The following CCS variants were observed in gnomAD, a reference collection of about 807,000 sequenced individuals.
CCS encodes the protein copper chaperone for superoxide dismutase, also known as superoxide dismutase copper chaperone.
Under a neutral mutation model 35.5 loss-of-function variants are expected in CCS, and 32 were observed. That is an observed-to-expected ratio of 0.90 (90% CI 0.68 to 1.21). The LOEUF is 1.21. Ranked by LOEUF, CCS falls within the 50% of genes most tolerant of loss-of-function variation. The pLI is 0.00. For synonymous variants in CCS, 130 were observed against 147.2 expected, an observed-to-expected ratio of 0.88 and a Z score of 0.84; for missense variants, 342 against 375.4, an observed-to-expected ratio of 0.91 and a Z score of 0.73.
intron 2 of CCS, among the ~76,000 whole-genome samples, chr11:66,596,710 GA>G (rs1208967963): frequency 6.6e-6 from 1 of 152,118 alleles, no homozygotes; most frequent in Non-Finnish European, 1.5e-5. Context: ...GACCCTTGTG[GA>G]CCTCACAGAG....
At chr11:66,600,143 A>G (rs755718539) in intron 4 of CCS, 11 of 198,796 alleles carry the variant, frequency 5.5e-5, no homozygotes, top group Non-Finnish European at 8.0e-5. Context: ...AAGAAAAAAA[A>G]TAAAATCTGA....
chr11:66,599,234 C>T lies in CCS; in HGVS notation c.231C>T (p.Gly77=). Residue 77 remains glycine, a synonymous_variant, in exon 3 of 8, where the codon GGC becomes GGT. Coordinates refer to ENST00000533244, the MANE Select transcript of CCS (RefSeq NM_005125.2). ...EGTGRQAVLK[G]MGSGQLQNLG... is the part of the protein sequence containing the mutation. ...CGGGGCGGCAGGCGGTACTCAAGGG[C>T]ATGGGCAGCGGCCAGTTGCGTGAGT... The T allele has an allele frequency of 6.2e-7, 1 of 1,608,324 alleles. No homozygotes were observed. Among genetic ancestry groups the T allele is most frequent in the Non-Finnish European group, 8.5e-7 (1 of 1,177,254 alleles).
chr11:66,600,247 T>G (rs1205278728), intron 4 of CCS: 1 of 367,086 alleles, frequency 2.7e-6, no homozygotes. Flanking sequence ...CCATGGTGTT[T>G]GTCATGCTGT....
Position 66,605,020 on chromosome 11 carries a change from A to G in CCS, c.490-319A>G, listed in dbSNP as rs1858630788. The G allele has an allele frequency of 2.2e-6, 2 of 919,360 alleles. 1 individual carries two copies. Among genetic ancestry groups the G allele is most frequent in the African/African-American group, 3.4e-5 (2 of 59,482 alleles). The allele number at this position is 919,360 out of a possible 1,614,324, so 57.0% of individuals were successfully genotyped here. On this transcript the variant is annotated intron_variant, in intron 5 of 7. Transcript: ENST00000533244. ...CTCGCCGGAAAAACAGTCTGATCCA[A>G]TGGGAATGACTGCACAGGCAGGGGA...
At position 66,593,673 on chromosome 11, in the gene CCS, G is replaced by A. The variant is rs1348825349; in HGVS notation, c.71G>A (p.Ser24Asn). 1 of 1,614,178 alleles carries A rather than the reference G, an allele frequency of 6.2e-7. No individual in the cohort carries two copies. The highest frequency in any genetic ancestry group is 8.5e-7 in the Non-Finnish European group (1 of 1,180,044). ...LEFAVQMTCQ[S>N]CVDAVRKSLQ... ...TTCGCGGTGCAGATGACCTGTCAGA[G>A]CTGTGTGGACGCGGTGCGCAAATCC... Residue 24 changes from serine (S) to asparagine (N), a missense_variant, in exon 2 of 8, where the codon AGC becomes AAC. Coordinates refer to ENST00000533244, the MANE Select transcript of CCS (RefSeq NM_005125.2).
chr11:66,593,350 C>T, intron 1 of CCS, 50 bp downstream of exon 1: 2 of 1,463,372 alleles, frequency 1.4e-6, no homozygotes, highest in Middle Eastern at 1.8e-4. Flanking sequence ...GAGCCTCGGC[C>T]CCTGGGATGA....
chr11:66,600,234 A>T (rs905689795), intron 4 of CCS: 1 of 349,712 alleles, frequency 2.9e-6, no homozygotes, highest in Non-Finnish European at 5.1e-6. Context: ...AAGGGTCCCC[A>T]TGCCATGGTG....
rs1379269105 is a variant in CCS at position 66,600,524 on chromosome 11, A to G, written c.464A>G (p.His155Arg). 1.3e-6 allele frequency: 2 copies of G among 1,527,884 alleles called. No homozygotes were observed. Among genetic ancestry groups the G allele is most frequent in the African/African-American group, 1.4e-5 (1 of 71,532 alleles). 94.6% of individuals were successfully genotyped at this position (1,527,884 alleles called of 1,614,324 possible). The change falls in exon 5 of 8, where the codon CAT (histidine) becomes CGT (arginine). Residue 155 changes from histidine to arginine, a missense_variant. Physicochemically the swap from His to Arg is conservative, Grantham distance 29. Coordinates refer to ENST00000533244, the MANE Select transcript of CCS (RefSeq NM_005125.2). ...CACTTTAACCCTGATGGAGCATCTC[A>G]TGGGGGCCCCCAGGACTCTGACCGG... ...GNHFNPDGAS[H>R]GGPQDSDRHR...
chr11:66,605,243 G>A, intron 5 of CCS, 96 bp from the exon 6 acceptor site: 1 of 1,570,194 alleles, frequency 6.4e-7, no homozygotes, highest in Non-Finnish European at 8.6e-7. Context: ...GTACTTTAGG[G>A]AAGCAGGAAG....
rs1858639260 is a variant in CCS, at chr11:66,605,431, A to G, written c.567+15A>G. ...AGCAGCTGAAGGTAAGGTGGAAAAG[A>G]AGGTGGGCACCCTTCCTAACAGGGT... On this transcript the variant is annotated intron_variant, in intron 6 of 7. Coordinates refer to ENST00000533244, the MANE Select transcript of CCS (RefSeq NM_005125.2). The G allele has an allele frequency of 3.1e-6, 5 of 1,614,070 alleles. No individual in the cohort carries two copies. In the South Asian group the frequency reaches 5.5e-5, roughly 18 times the overall value.
chr11:66,601,439 A>G (rs550777000), intron 5 of CCS, among the ~76,000 whole-genome samples: 2 of 152,212 alleles, frequency 1.3e-5, no homozygotes, highest in Non-Finnish European at 1.5e-5. Context: ...CTTGTGCCAC[A>G]AAACAATTGA....
Position 66,605,918 on chromosome 11 carries a change from G to C in CCS, c.*63G>C. On this transcript the variant is annotated 3_prime_UTR_variant, in exon 8 of 8. Transcript: ENST00000533244. ...GCGAGCACTTTCCACTTCCAGAGGG[G>C]GCCAGAGGGACTTTGCCTGCCCAGT... 7.0e-7 allele frequency: 1 copy of C among 1,432,944 alleles called. No individual in the cohort carries two copies. The highest frequency in any genetic ancestry group is 9.2e-7 in the Non-Finnish European group (1 of 1,092,632). The allele number at this position is 1,432,944 out of a possible 1,614,324, so 88.8% of individuals were successfully genotyped here. A position where few individuals can be genotyped will look rare whatever the true frequency, so the allele number is the denominator to read the frequency against.
chr11:66,593,838 G>A lies in CCS; in HGVS notation c.112+124G>A, dbSNP rs1011206541. ...GAAAGTGAACCCCAGAGAGTGAAAGGCATGTTCTCAGAGTTACACACAGAC... is the reference window on the plus strand; with the variant it reads ...GAAAGTGAACCCCAGAGAGTGAAAGACATGTTCTCAGAGTTACACACAGAC... On this transcript the variant is annotated intron_variant, in intron 2 of 7. Coordinates refer to ENST00000533244, the MANE Select transcript of CCS (RefSeq NM_005125.2). The A allele has an allele frequency of 1.2e-5, 11 of 901,854 alleles. No homozygotes were observed. In the African/African-American group the frequency reaches 1.6e-4, roughly 13 times the overall value. 55.9% of individuals were successfully genotyped at this position (901,854 alleles called of 1,614,324 possible).
At chr11:66,598,141 AG>A (rs1190631959) in intron 2 of CCS, among the ~76,000 whole-genome samples, 1 of 151,614 alleles carries the variant, frequency 6.6e-6, no homozygotes. Flanking sequence ...ATCTGTTTGT[AG>A]TATTTTCAGA....
chr11:66,594,327 C>G (rs1858436617), intron 2 of CCS, among the ~76,000 whole-genome samples: 1 of 152,104 alleles, frequency 6.6e-6, no homozygotes, highest in Non-Finnish European at 1.5e-5. Flanking sequence ...CCACTGCACT[C>G]TAGCCTGGGC....
Position 66,593,210 on chromosome 11 carries a change from G to A in CCS, c.-52G>A. ...AGTCCCCGCGACGCCGCGCTGGTTG[G>A]TGCTCCTGCGCCGGAGGAGTTCTGC... is the stretch of plus-strand genomic sequence containing the variant. On this transcript the variant is annotated 5_prime_UTR_variant, in exon 1 of 8. It adds an upstream start codon to the 5' untranslated region. Transcript: ENST00000533244. 1 of 1,545,618 alleles carries A rather than the reference G, an allele frequency of 6.5e-7. No individual in the cohort carries two copies. The highest frequency in any genetic ancestry group is 2.4e-5 in the East Asian group (1 of 41,188).
chr11:66,595,353 C>T (rs1419451639), intron 2 of CCS, among the ~76,000 whole-genome samples: 2 of 152,120 alleles, frequency 1.3e-5, no homozygotes, highest in African/African-American at 2.4e-5. Context: ...TGAATGGGCC[C>T]TCCACTTCCT....
At chr11:66,604,755 G>A (rs1858627442) in intron 5 of CCS, among the ~76,000 whole-genome samples, 1 of 152,244 alleles carries the variant, frequency 6.6e-6, no homozygotes, top group Admixed American at 6.5e-5. Context: ...TACCGTCAAA[G>A]GAGAAGGAGG....
chr11:66,597,834 T>C (rs1438927244), intron 2 of CCS, among the ~76,000 whole-genome samples: 2 of 151,956 alleles, frequency 1.3e-5, no homozygotes, highest in East Asian at 3.9e-4. Flanking sequence ...TTTGGGAGGC[T>C]TGCTTGAACC....
Sources: gnomAD v4.1 joint callset for allele counts (sites outside exome capture counted in the v4.1 genomes callset) on GRCh38, gnomAD v4.1.1 for gene constraint, MANE v1.5 for transcripts, NCBI Gene and HGNC (gene_info 2026-07-23, HGNC 2026-07-21) for gene names.